ELAVL2: variants seen among roughly 807,000 people sequenced by gnomAD.
ELAVL2 encodes ELAV like RNA binding protein 2.
ELAVL2 carries 4 observed loss-of-function variants against 34.6 expected under a neutral mutation model. The ratio of observed to expected loss-of-function variants is 0.12; its 90% confidence interval spans 0.06 to 0.26. The LOEUF (loss-of-function observed/expected upper bound fraction) is 0.26, where lower values mean the gene tolerates loss of function less well. Among genes scored for constraint, ELAVL2 ranks in the 10% least tolerant of loss-of-function variants. The pLI is 1.00. For synonymous variants in ELAVL2, 193 were observed against 154.8 expected (o/e 1.25, Z -1.83); for missense variants, 432 against 442.8 (o/e 0.98, Z 0.22).
intron 1 of ELAVL2, among the ~76,000 whole-genome samples, chr9:23,816,881 G>A (rs186908515): frequency 2.0e-5 from 3 of 152,198 alleles, no homozygotes; most frequent in East Asian, 1.9e-4. Flanking sequence ...TAGGTTAGGC[G>A]TATTAAATAC....
intron 2 of ELAVL2, among the ~76,000 whole-genome samples, chr9:23,733,258 G>A (rs2047042477): frequency 6.6e-6 from 1 of 151,366 alleles, no homozygotes; most frequent in African/African-American, 2.4e-5. Context: ...ATACATATAT[G>A]TGTGTTTGTG....
At chr9:23,738,110 T>C (rs978874157) in intron 2 of ELAVL2, among the ~76,000 whole-genome samples, 13 of 152,180 alleles carry the variant, frequency 8.5e-5, no homozygotes, top group African/African-American at 3.1e-4. Flanking sequence ...ATTATGTGTG[T>C]CTGTTCAGAC....
At chr9:23,768,066 C>T (rs556445928) in intron 1 of ELAVL2, among the ~76,000 whole-genome samples, 1 of 152,276 alleles carries the variant, frequency 6.6e-6, no homozygotes, top group Admixed American at 6.5e-5. Flanking sequence ...TCCCTCTCTC[C>T]TCATCCTAAT....
chr9:23,697,036 A>C (rs1291686133), intron 5 of ELAVL2, among the ~76,000 whole-genome samples: 5 of 152,166 alleles, frequency 3.3e-5, no homozygotes, highest in Admixed American at 3.3e-4. Context: ...CTGGGGGAAG[A>C]CTGAGCAATC....
chr9:23,727,488 A>T (rs1163415311), intron 3 of ELAVL2, among the ~76,000 whole-genome samples: 1 of 152,136 alleles, frequency 6.6e-6, no homozygotes, highest in Non-Finnish European at 1.5e-5. Flanking sequence ...ATGCTAGAAG[A>T]CAAACTGAAC....
chr9:23,690,372 T>C lies in ELAVL2; in HGVS notation c.*2185A>G, dbSNP rs1297714371. On this transcript the variant is annotated 3_prime_UTR_variant, in exon 7 of 7. Coordinates refer to ENST00000397312, the MANE Select transcript of ELAVL2 (RefSeq NM_004432.5). Reference sequence around the variant, plus strand: ...GCTACAGTAGTATAGGAAAGAAGCATGTAGCTGCTGTTTTCCCTTGAGGGA... The same window carrying C: ...GCTACAGTAGTATAGGAAAGAAGCACGTAGCTGCTGTTTTCCCTTGAGGGA... 6.6e-6 allele frequency: 1 copy of C among 152,582 alleles called. No individual in the cohort carries two copies. Among genetic ancestry groups the C allele is most frequent in the Non-Finnish European group, 1.5e-5 (1 of 67,998 alleles). The allele number at this position is 152,582 out of a possible 1,614,324, so 9.5% of individuals were successfully genotyped here.
At chr9:23,700,563 G>A (rs1310801409) in intron 5 of ELAVL2, among the ~76,000 whole-genome samples, 2 of 152,320 alleles carry the variant, frequency 1.3e-5, no homozygotes, top group Non-Finnish European at 1.5e-5. Flanking sequence ...GCCAAATGGA[G>A]ACTGCCTCCC....
chr9:23,735,367 T>G (rs1462854506), intron 2 of ELAVL2: 1 of 152,228 alleles, frequency 6.6e-6, no homozygotes, highest in South Asian at 2.1e-4. Flanking sequence ...AACTTCCACC[T>G]CCTGGGTTCA....
At position 23,691,297 on chromosome 9, in the gene ELAVL2, C is replaced by G. The variant is rs921930293; in HGVS notation, c.*1260G>C. 3 of 152,596 alleles carry G rather than the reference C, an allele frequency of 2.0e-5. No individual in the cohort carries two copies. The highest frequency in any genetic ancestry group is 6.5e-5 in the Admixed American group (1 of 15,272). The allele number at this position is 152,596 out of a possible 1,614,324, so 9.5% of individuals were successfully genotyped here. The stretch of plus-strand genomic sequence containing the variant: ...GCTGAAAGGTTCATAAACACAAGGT[C>G]TTATTTACATTACACAAAGCTCAGG... On this transcript the variant is annotated 3_prime_UTR_variant, in exon 7 of 7. Transcript: ENST00000397312.
chr9:23,789,100 A>C (rs992565785), intron 1 of ELAVL2, among the ~76,000 whole-genome samples: 1 of 152,164 alleles, frequency 6.6e-6, no homozygotes, highest in African/African-American at 2.4e-5. Flanking sequence ...CCTTCTTACC[A>C]TTACAACTTT....
intron 1 of ELAVL2, among the ~76,000 whole-genome samples, chr9:23,769,042 A>C (rs2056845721): frequency 6.6e-6 from 1 of 152,174 alleles, no homozygotes; most frequent in South Asian, 2.1e-4. Context: ...TTGCAACTAG[A>C]AGCTTTGAAT....
the ELAVL2 span, among the ~76,000 whole-genome samples, chr9:23,844,832 A>G: frequency 6.6e-6 from 1 of 152,138 alleles, no homozygotes; most frequent in East Asian, 1.9e-4. Context: ...GAAAATCTAC[A>G]ACAGATAACT....
chr9:23,812,510 G>C (rs2063144228), intron 1 of ELAVL2, among the ~76,000 whole-genome samples: 1 of 151,912 alleles, frequency 6.6e-6, no homozygotes, highest in African/African-American at 2.4e-5. Context: ...CCCCAACCCA[G>C]TAACTAAGCC....
In ELAVL2 at chr9:23,692,440, C is replaced by G; in HGVS notation, c.*117G>C. ...CATATTTCTTAGGATGCTAAGTAGT[C>G]ATTTTATCCCCATCTCAACACTGAC... On this transcript the variant is annotated 3_prime_UTR_variant, in exon 7 of 7. Transcript: ENST00000397312. 2.2e-5 allele frequency: 23 copies of G among 1,056,080 alleles called. No homozygotes were observed. The South Asian group carries it at 4.1e-4, about 19-fold the overall frequency. The allele number at this position is 1,056,080 out of a possible 1,614,324, so 65.4% of individuals were successfully genotyped here.
At position 23,722,749 on chromosome 9, in the gene ELAVL2, T is replaced by C. The variant is rs114080763; in HGVS notation, c.333+8273A>G. 4.6e-3 allele frequency among the ~76,000 whole-genome samples: 702 copies of C among 152,368 alleles called. 4 individuals carry two copies. Among genetic ancestry groups the C allele is most frequent in the African/African-American group, 0.015 (622 of 41,588 alleles). On this transcript the variant is annotated intron_variant, in intron 3 of 6. Coordinates refer to ENST00000397312, the MANE Select transcript of ELAVL2 (RefSeq NM_004432.5). The stretch of plus-strand genomic sequence containing the variant: ...AACAAATCCCTTTTAACCTGAGCTT[T>C]ATTTCATCAAAGGGATTAAGTATTT...
intron 1 of ELAVL2, among the ~76,000 whole-genome samples, chr9:23,791,664 G>A (rs983292714): frequency 2.6e-5 from 4 of 152,162 alleles, no homozygotes; most frequent in South Asian, 2.1e-4. Context: ...AGAAAAGGAA[G>A]AGACACCAAT....
chr9:23,717,572 C>T (rs537846488), intron 3 of ELAVL2, among the ~76,000 whole-genome samples: 1 of 152,332 alleles, frequency 6.6e-6, no homozygotes, highest in South Asian at 2.1e-4. Flanking sequence ...TTGAATGAGA[C>T]ATTCCCTTAT....
chr9:23,838,807 G>A, the ELAVL2 span, among the ~76,000 whole-genome samples: 1 of 152,076 alleles, frequency 6.6e-6, no homozygotes. Flanking sequence ...TGGCATATAA[G>A]TAAGTGAAAA....
the ELAVL2 span, among the ~76,000 whole-genome samples, chr9:23,838,712 CT>C: frequency 7.8e-4 from 119 of 152,054 alleles, no homozygotes; most frequent in African/African-American, 2.8e-3. Context: ...CTATTAAATC[CT>C]TTCTCAAATT....
Sources: allele counts gnomAD v4.1 joint callset (sites outside exome capture counted in the v4.1 genomes callset), GRCh38; gene constraint gnomAD v4.1.1; transcripts MANE v1.5; gene names NCBI Gene and HGNC (gene_info 2026-07-23, HGNC 2026-07-21).